Variants in PRRC2C observed in about 807,000 individuals in gnomAD.
PRRC2C encodes proline rich coiled-coil 2C, also known as protein PRRC2C.
PRRC2C carries 72 observed loss-of-function variants against 317.2 expected under a neutral mutation model. The observed-to-expected ratio is 0.23, with a 90% CI of 0.19 to 0.28. PRRC2C has a LOEUF of 0.28. Ranked by LOEUF, PRRC2C falls within the 10% of genes least tolerant of loss-of-function variation. The pLI is 1.00. For synonymous variants in PRRC2C, 1,296 were observed against 1,205.9 expected (o/e 1.07, Z -1.55); for missense variants, 3,074 against 3,459.7 (o/e 0.89, Z 2.80).
Position 171,540,976 on chromosome 1 carries a change from G to A in PRRC2C, c.3510G>A (p.Arg1170=), listed in dbSNP as rs745780957. Reference sequence around the variant, plus strand: ...AAAAAGAATCAACTTTGCCTCCCAGGACCTATTGGAAAGAAGCTAGAGAGA... The same window carrying A: ...AAAAAGAATCAACTTTGCCTCCCAGAACCTATTGGAAAGAAGCTAGAGAGA... ...AVKKESTLPP[R]TYWKEARERD... Residue 1170 remains arginine (R), a synonymous_variant, in exon 16 of 35, where the codon AGG becomes AGA. Transcript: ENST00000647382. 11 of 1,613,804 alleles carry A rather than the reference G, an allele frequency of 6.8e-6. No individual in the cohort carries two copies. The African/African-American group carries it at 1.1e-4, about 16-fold the overall frequency.
rs1450175800 is a variant in PRRC2C, at chr1:171,584,001, G to A, written c.7455G>A (p.Val2485=). 4 of 1,613,838 alleles carry A rather than the reference G, an allele frequency of 2.5e-6. No homozygotes were observed. The highest frequency in any genetic ancestry group is 3.4e-6 in the Non-Finnish European group (4 of 1,179,856). The change falls in exon 29 of 35, where the codon GTG becomes GTA. Residue 2485 remains valine (V), a synonymous_variant. Coordinates refer to ENST00000647382, the MANE Select transcript of PRRC2C (RefSeq NM_001387844.1). ...AAAGCAGTTTATCCCAGCCATCTGTGGTCCTTTCTGGTACTGCTATTCACA... is the reference window on the plus strand; with the variant it reads ...AAAGCAGTTTATCCCAGCCATCTGTAGTCCTTTCTGGTACTGCTATTCACA... ...FMQSSLSQPS[V]VLSGTAIHNF... is the part of the protein sequence containing the mutation.
chr1:171,517,963 T>G, intron 6 of PRRC2C, 149 bp downstream of exon 6: 1 of 679,948 alleles, frequency 1.5e-6, no homozygotes, highest in East Asian at 2.7e-5. Flanking sequence ...TGGTATATTG[T>G]GAGAAGGGAC....
intron 18 of PRRC2C, among the ~76,000 whole-genome samples, chr1:171,556,392 G>T (rs1360082136): frequency 6.6e-6 from 1 of 152,204 alleles, no homozygotes; most frequent in Non-Finnish European, 1.5e-5. Flanking sequence ...GTGAGGCAAT[G>T]CCCTGCCCTG....
At chr1:171,569,965 A>G (rs543306784) in intron 23 of PRRC2C, among the ~76,000 whole-genome samples, 1 of 152,222 alleles carries the variant, frequency 6.6e-6, no homozygotes, top group African/African-American at 2.4e-5. Flanking sequence ...CTGTAAGGCT[A>G]ATTAATGGAG....
chr1:171,491,784 A>G (rs1667202904), intron 1 of PRRC2C, among the ~76,000 whole-genome samples: 1 of 152,202 alleles, frequency 6.6e-6, no homozygotes, highest in Non-Finnish European at 1.5e-5. Flanking sequence ...ATTTCAAAGA[A>G]GAGTGATAAG....
chr1:171,585,614 A>G (rs1359377123), intron 30 of PRRC2C, among the ~76,000 whole-genome samples: 1 of 152,226 alleles, frequency 6.6e-6, no homozygotes, highest in Non-Finnish European at 1.5e-5. Context: ...TGAAAGTATT[A>G]TGTAAAATGT....
At chr1:171,507,516 C>A (rs922788523) in intron 1 of PRRC2C, among the ~76,000 whole-genome samples, 2 of 152,048 alleles carry the variant, frequency 1.3e-5, no homozygotes, top group African/African-American at 4.8e-5. Context: ...GAGGCAGAAG[C>A]AGGAGGATCA....
intron 1 of PRRC2C, among the ~76,000 whole-genome samples, chr1:171,496,403 A>G (rs1402213921): frequency 1.3e-5 from 2 of 151,764 alleles, no homozygotes; most frequent in Non-Finnish European, 1.5e-5. Context: ...GTATTTTGCC[A>G]TGTTGGCCAG....
chr1:171,590,695 G>A (rs562502802), intron 34 of PRRC2C, among the ~76,000 whole-genome samples: 2 of 152,208 alleles, frequency 1.3e-5, no homozygotes, highest in South Asian at 4.2e-4. Flanking sequence ...TTTTATTAAG[G>A]CTGTATGCCT....
intron 15 of PRRC2C, among the ~76,000 whole-genome samples, chr1:171,538,872 G>A (rs867757820): frequency 5.3e-5 from 8 of 151,772 alleles, no homozygotes; most frequent in Admixed American, 2.0e-4. Context: ...TACCATACCC[G>A]GCTAATTTTT....
rs768860464 is a variant in PRRC2C at position 171,537,302 on chromosome 1, T to C, written c.2333T>C (p.Met778Thr). 31 of 1,600,786 alleles carry C rather than the reference T, an allele frequency of 1.9e-5. No individual in the cohort carries two copies. The highest frequency in any genetic ancestry group is 2.0e-5 in the Non-Finnish European group (23 of 1,173,054). Residue 778 changes from methionine to threonine, a missense_variant, in exon 15 of 35, where the codon ATG becomes ACG. By Grantham distance (81) the Met-to-Thr change is moderately conservative. Coordinates refer to ENST00000647382, the MANE Select transcript of PRRC2C (RefSeq NM_001387844.1). ...AAACCATTAATGAGAAGAGACCAGA[T>C]GGAAGGGTCACCGAACAGTTCTGAG... ...PPKPLMRRDQ[M>T]EGSPNSSESF...
Position 171,591,918 on chromosome 1 carries a change from G to A in PRRC2C, c.*71G>A, listed in dbSNP as rs1651528250. ...TGGAGAATTAAGTCAGATAATGCTG[G>A]CAGCCAAAGGGGCAAAATGGCCTGT... is the stretch of plus-strand genomic sequence containing the variant. On this transcript the variant is annotated 3_prime_UTR_variant, in exon 35 of 35. Transcript: ENST00000647382. 4 of 1,525,390 alleles carry A rather than the reference G, an allele frequency of 2.6e-6. No homozygotes were observed. The Admixed American group carries it at 8.0e-5, about 31-fold the overall frequency. 94.5% of individuals were successfully genotyped at this position (1,525,390 alleles called of 1,614,324 possible). A position where few individuals can be genotyped will look rare whatever the true frequency, so the allele number is the denominator to read the frequency against.
At chr1:171,525,240 A>G (rs1674349947) in intron 10 of PRRC2C, among the ~76,000 whole-genome samples, 1 of 152,300 alleles carries the variant, frequency 6.6e-6, no homozygotes, top group Non-Finnish European at 1.5e-5. Flanking sequence ...GTGTAGGGAT[A>G]ATATTTTTCT....
At chr1:171,490,754 A>G (rs895432989) in intron 1 of PRRC2C, among the ~76,000 whole-genome samples, 2 of 152,202 alleles carry the variant, frequency 1.3e-5, no homozygotes, top group East Asian at 1.9e-4. Flanking sequence ...TGACCTTAAA[A>G]TAATCTAGGT....
intron 12 of PRRC2C, among the ~76,000 whole-genome samples, chr1:171,534,162 T>C (rs1195573394): frequency 6.6e-6 from 1 of 152,170 alleles, no homozygotes; most frequent in Non-Finnish European, 1.5e-5. Context: ...TATTTTATCT[T>C]TAATTTTTTT....
chr1:171,567,245 T>TC (rs925021907), intron 22 of PRRC2C, among the ~76,000 whole-genome samples: 11 of 152,320 alleles, frequency 7.2e-5, no homozygotes, highest in African/African-American at 2.6e-4. Context: ...CAGTTTTTTT[T>TC]CATAGTTGGA....
At chr1:171,529,426 C>T (rs766487438) in intron 11 of PRRC2C, among the ~76,000 whole-genome samples, 5 of 152,200 alleles carry the variant, frequency 3.3e-5, no homozygotes, top group Admixed American at 3.3e-4. Context: ...ACCCACAGTG[C>T]TGCTTCTCCT....
chr1:171,587,592 A>C (rs1444711642), intron 31 of PRRC2C, 56 bp from the exon 32 acceptor site: 1 of 1,245,510 alleles, frequency 8.0e-7, no homozygotes, highest in Non-Finnish European at 1.2e-6. Context: ...ATGTAAACAC[A>C]GCACTTAGCT....
intron 6 of PRRC2C, among the ~76,000 whole-genome samples, chr1:171,518,472 ATTTTTTTTCAATTTTTTTTCAAT>A (rs1311832081): frequency 3.6e-5 from 4 of 111,022 alleles, no homozygotes; most frequent in African/African-American, 5.9e-5. Flanking sequence ...ATTTTTTTCA[ATTTTTTTTCAATTTTTTTTCAAT>A]TTTTTTTTTT....
Sources: allele counts gnomAD v4.1 joint callset (sites outside exome capture counted in the v4.1 genomes callset), GRCh38; gene constraint gnomAD v4.1.1; transcripts MANE v1.5; gene names NCBI Gene and HGNC (gene_info 2026-07-23, HGNC 2026-07-21).